Variants in NAA25 observed in about 807,000 individuals in gnomAD.
NAA25 encodes N-alpha-acetyltransferase 25, NatB auxiliary subunit.
In NAA25, 30 loss-of-function variants were observed where a neutral mutation model predicts 132.5. That is an observed-to-expected ratio of 0.23 (90% CI 0.17 to 0.31). The LOEUF (loss-of-function observed/expected upper bound fraction) is 0.31. Among genes scored for constraint, NAA25 ranks in the 10% least tolerant of loss-of-function variants. NAA25 has a pLI of 1.00. For missense variants in NAA25, 771 were observed against 1,150.4 expected (o/e 0.67, Z 4.77); for synonymous variants, 359 against 401.9 (o/e 0.89, Z 1.28).
chr12:112,080,741 C>T (rs139842027), intron 5 of NAA25, among the ~76,000 whole-genome samples: 2,280 of 152,146 alleles, frequency 0.015, 65 homozygotes, highest in African/African-American at 0.051. Flanking sequence ...CCTCGTGATC[C>T]ACCCACCTTG....
chr12:112,040,690 TTG>T (rs1371014727), intron 20 of NAA25, 112 bp from the exon 21 acceptor site: 1 of 630,978 alleles, frequency 1.6e-6, no homozygotes, highest in African/African-American at 1.9e-5. Flanking sequence ...AGAAAGCTAT[TTG>T]TTTTTCATTT....
chr12:112,078,163 C>CT (rs763808318), intron 7 of NAA25, 25 bp downstream of exon 7: 1 of 1,489,444 alleles, frequency 6.7e-7, no homozygotes, highest in Admixed American at 2.1e-5. Flanking sequence ...AAAAAAAAAG[C>CT]TTTAAGAAAA....
In NAA25 at chr12:112,048,284, A is replaced by G; in HGVS notation, c.1880+8T>C. On this transcript the variant is annotated splice_region_variant and intron_variant, in intron 16 of 23. Transcript: ENST00000261745. The stretch of plus-strand genomic sequence containing the variant: ...TTAGTTCCTTTATAGCTCTCATGCA[A>G]TACTTACATATTTGCTTCAAGTAGA... 1.2e-6 allele frequency: 2 copies of G among 1,610,668 alleles called. No individual in the cohort carries two copies. Among genetic ancestry groups the G allele is most frequent in the Non-Finnish European group, 1.7e-6 (2 of 1,177,640 alleles).
intron 8 of NAA25, among the ~76,000 whole-genome samples, chr12:112,075,179 T>C (rs914062111): frequency 6.6e-5 from 10 of 151,510 alleles, no homozygotes; most frequent in African/African-American, 2.4e-4. Context: ...AGCACCATGG[T>C]GGCACAAGTA....
rs1367379478 is a variant in NAA25, at chr12:112,039,353, T to C, written c.2539-14A>G. 1 of 1,514,258 alleles carries C rather than the reference T, an allele frequency of 6.6e-7. No homozygotes were observed. The highest frequency in any genetic ancestry group is 9.1e-7 in the Non-Finnish European group (1 of 1,096,342). 93.8% of individuals were successfully genotyped at this position (1,514,258 alleles called of 1,614,324 possible). ...AACAGAAATAGTCTGAAAGGAAAAA[T>C]TGCAAATTCACCAATAAGGATTACA... On this transcript the variant is annotated splice_polypyrimidine_tract_variant and intron_variant, in intron 21 of 23. Transcript: ENST00000261745.
intron 7 of NAA25, among the ~76,000 whole-genome samples, chr12:112,077,150 C>T (rs2078905035): frequency 6.6e-6 from 1 of 151,758 alleles, no homozygotes; most frequent in Non-Finnish European, 1.5e-5. Context: ...CTAGGAAATA[C>T]TATTTAGTTA....
chr12:112,099,612 A>C (rs2079262522), intron 1 of NAA25, among the ~76,000 whole-genome samples: 1 of 152,128 alleles, frequency 6.6e-6, no homozygotes, highest in Admixed American at 6.6e-5. Flanking sequence ...TGTTGAATGA[A>C]CGCACAAGCT....
chr12:112,029,402 T>C lies in NAA25; in HGVS notation c.*129A>G, dbSNP rs1593734951. 2 of 1,444,854 alleles carry C rather than the reference T, an allele frequency of 1.4e-6. No individual in the cohort carries two copies. Among genetic ancestry groups the C allele is most frequent in the East Asian group, 4.6e-5 (2 of 43,942 alleles). The allele number at this position is 1,444,854 out of a possible 1,614,324, so 89.5% of individuals were successfully genotyped here. A position where few individuals can be genotyped will look rare whatever the true frequency, so the allele number is the denominator to read the frequency against. ...ATTTAACACCTAAAAAAATTCACGATCAAAGTCCTTCATGCATTTTATGAG... is the reference window on the plus strand; with the variant it reads ...ATTTAACACCTAAAAAAATTCACGACCAAAGTCCTTCATGCATTTTATGAG... On this transcript the variant is annotated 3_prime_UTR_variant, in exon 24 of 24. Coordinates refer to ENST00000261745, the MANE Select transcript of NAA25 (RefSeq NM_024953.4).
At chr12:112,036,868 T>G (rs1175270226) in intron 22 of NAA25, among the ~76,000 whole-genome samples, 1 of 149,518 alleles carries the variant, frequency 6.7e-6, no homozygotes, top group Non-Finnish European at 1.5e-5. Context: ...TACGTAAAAC[T>G]GTGTGTGCGT....
chr12:112,086,102 A>ACACACACACCCC (rs796241170), intron 4 of NAA25, among the ~76,000 whole-genome samples: 1 of 120,798 alleles, frequency 8.3e-6, no homozygotes, highest in East Asian at 3.0e-4. Flanking sequence ...ACACACACAC[A>ACACACACACCCC]CCCATAACCA....
At chr12:112,040,411 A>C in intron 21 of NAA25, 70 bp downstream of exon 21, 1 of 907,110 alleles carries the variant, frequency 1.1e-6, no homozygotes, top group Non-Finnish European at 1.8e-6. Flanking sequence ...TTACCTGTTC[A>C]CTGTTGAAAA....
At chr12:112,100,476 T>C (rs1386606099) in intron 1 of NAA25, among the ~76,000 whole-genome samples, 3 of 151,856 alleles carry the variant, frequency 2.0e-5, no homozygotes, top group Non-Finnish European at 4.4e-5. Context: ...TCCCTTTTAG[T>C]TTAAAGGTTT....
intron 7 of NAA25, 101 bp from the exon 8 acceptor site, chr12:112,075,890 C>CT (rs904339500): frequency 1.3e-3 from 1,226 of 958,984 alleles, no homozygotes; most frequent in Non-Finnish European, 1.4e-3. Flanking sequence ...ATTTTCTTTT[C>CT]TTTTTTTTTG....
intron 18 of NAA25, 74 bp downstream of exon 18, chr12:112,043,551 C>T: frequency 6.5e-7 from 1 of 1,541,916 alleles, no homozygotes; most frequent in African/African-American, 1.4e-5. Flanking sequence ...ACTCACCCAC[C>T]CCAAACTCCT....
chr12:112,052,311 A>G (rs1283091536), intron 15 of NAA25, among the ~76,000 whole-genome samples: 1 of 152,168 alleles, frequency 6.6e-6, no homozygotes, highest in Admixed American at 6.6e-5. Context: ...ACACCTTCTG[A>G]GTAACATGCT....
chr12:112,040,655 G>A, intron 20 of NAA25, 77 bp from the exon 21 acceptor site: 2 of 761,782 alleles, frequency 2.6e-6, no homozygotes, highest in Non-Finnish European at 4.3e-6. Flanking sequence ...CACAAATAAA[G>A]AATAAGCAAA....
rs2078305049 is a variant in NAA25, at chr12:112,041,896, T to A, written c.2440+143A>T. The A allele has an allele frequency of 9.4e-6, 5 of 534,564 alleles. No homozygotes were observed. The South Asian group carries it at 1.2e-4, about 13-fold the overall frequency. 33.1% of individuals were successfully genotyped at this position (534,564 alleles called of 1,614,324 possible). ...TCATTCACACACATATGTGTTTAGG[T>A]GGCATCTAGGAGTATTGACTCCAAA... On this transcript the variant is annotated intron_variant, in intron 20 of 23. Coordinates refer to ENST00000261745, the MANE Select transcript of NAA25 (RefSeq NM_024953.4).
intron 8 of NAA25, among the ~76,000 whole-genome samples, chr12:112,075,141 G>A (rs11066148): frequency 0.041 from 6,224 of 151,680 alleles, 282 homozygotes; most frequent in African/African-American, 0.11. Flanking sequence ...GATTTTCAGT[G>A]TTCATTCTTA....
intron 4 of NAA25, among the ~76,000 whole-genome samples, chr12:112,085,089 G>T (rs990808205): frequency 3.3e-5 from 5 of 152,124 alleles, no homozygotes; most frequent in Non-Finnish European, 5.9e-5. Context: ...AATTAGCTAG[G>T]CATGGTGGTG....
Sources: allele counts gnomAD v4.1 joint callset (sites outside exome capture counted in the v4.1 genomes callset), GRCh38; gene constraint gnomAD v4.1.1; transcripts MANE v1.5; gene names NCBI Gene and HGNC (gene_info 2026-07-23, HGNC 2026-07-21).